Variants in TTC7B observed in about 807,000 individuals in gnomAD.
The protein encoded by TTC7B is tetratricopeptide repeat domain 7B.
TTC7B carries 28 observed loss-of-function variants against 106.8 expected under a neutral mutation model. The ratio of observed to expected loss-of-function variants is 0.26; its 90% CI spans 0.19 to 0.36. TTC7B has a LOEUF of 0.36. Ranked by LOEUF, TTC7B falls within the 10% of genes least tolerant of loss-of-function variation. The pLI is 1.00. For missense variants in TTC7B, 862 were observed against 1,076.4 expected, an observed-to-expected ratio of 0.80 and a Z score of 2.79; for synonymous variants, 405 against 430.6, an observed-to-expected ratio of 0.94 and a Z score of 0.74.
chr14:90,546,418 A>G (rs946033917), intron 19 of TTC7B, among the ~76,000 whole-genome samples: 1 of 152,202 alleles, frequency 6.6e-6, no homozygotes, highest in Non-Finnish European at 1.5e-5. Context: ...AGCTGTTGTC[A>G]GCACCAGCTG....
At chr14:90,795,417 A>G (rs1891742450) in intron 1 of TTC7B, among the ~76,000 whole-genome samples, 1 of 152,198 alleles carries the variant, frequency 6.6e-6, no homozygotes, top group Non-Finnish European at 1.5e-5. Context: ...TGCACTCACC[A>G]GGCAGAGTGT....
chr14:90,536,112 C>T lies in TTC7B; in HGVS notation c.*5256G>A, dbSNP rs1889413607. 6.5e-6 allele frequency: 1 copy of T among 154,284 alleles called. No individual in the cohort carries two copies. Among genetic ancestry groups the T allele is most frequent in the African/African-American group, 2.4e-5 (1 of 41,454 alleles). The allele number at this position is 154,284 out of a possible 1,614,324, so 9.6% of individuals were successfully genotyped here. On this transcript the variant is annotated 3_prime_UTR_variant, in exon 20 of 20. Transcript: ENST00000328459. ...AGGTCACTGCCAACCTGCACACCAC[C>T]AGGCCCACGGTCAGCTCTCAGGCCA...
At chr14:90,763,349 A>G (rs1407264104) in intron 3 of TTC7B, among the ~76,000 whole-genome samples, 1 of 152,234 alleles carries the variant, frequency 6.6e-6, no homozygotes, top group Non-Finnish European at 1.5e-5. Flanking sequence ...AACACTCAAC[A>G]AACTAGAAAT....
intron 3 of TTC7B, among the ~76,000 whole-genome samples, chr14:90,764,289 C>T (rs573617702): frequency 1.4e-4 from 22 of 152,108 alleles, no homozygotes; most frequent in African/African-American, 5.1e-4. Context: ...GCTGACCTCA[C>T]AAAAATATAC....
rs1019479733 is a variant in TTC7B, at chr14:90,526,822, C to G, written c.*14546G>C. The G allele has an allele frequency of 6.6e-6, 1 of 152,172 alleles. No individual in the cohort carries two copies. The highest frequency in any genetic ancestry group is 2.4e-5 in the African/African-American group (1 of 41,422). 9.4% of individuals were successfully genotyped at this position (152,172 alleles called of 1,614,324 possible). On this transcript the variant is annotated 3_prime_UTR_variant, in exon 20 of 20. Coordinates refer to ENST00000328459, the MANE Select transcript of TTC7B (RefSeq NM_001010854.2). ...TGATTGTAAGTTTCCTGAGGCCTCTCCAGCCATGCTGAACTGTGAGTCAAT... is the reference window on the plus strand; with the variant it reads ...TGATTGTAAGTTTCCTGAGGCCTCTGCAGCCATGCTGAACTGTGAGTCAAT...
intron 7 of TTC7B, among the ~76,000 whole-genome samples, chr14:90,685,106 A>G (rs1460247420): frequency 2.6e-5 from 4 of 152,034 alleles, no homozygotes; most frequent in African/African-American, 9.7e-5. Context: ...CCTGGCAGGG[A>G]TTGTTTTTCA....
At position 90,780,907 on chromosome 14, in the gene TTC7B, C is replaced by A; in HGVS notation, c.277-1G>T. The A allele has an allele frequency of 6.2e-7, 1 of 1,613,954 alleles. No individual in the cohort carries two copies. The highest frequency in any genetic ancestry group is 8.5e-7 in the Non-Finnish European group (1 of 1,179,862). ...GATTGGATTCTTGTAGGAATTCTGA[C>A]TAGAAGCAAAAGGAGAGAAAGAAAA... On this transcript the variant is annotated splice_acceptor_variant, in intron 2 of 19. Coordinates refer to ENST00000328459, the MANE Select transcript of TTC7B (RefSeq NM_001010854.2). LOFTEE classifies it high-confidence loss of function.
intron 5 of TTC7B, 54 bp downstream of exon 5, chr14:90,730,021 G>T: frequency 6.4e-7 from 1 of 1,557,922 alleles, no homozygotes; most frequent in East Asian, 2.3e-5. Flanking sequence ...GCATTGTAAG[G>T]CTTTCTACTT....
In TTC7B at chr14:90,526,077, A is replaced by G. The variant is rs951279722; in HGVS notation, c.*15291T>C. ...AAGAGAGGAATTCCTGGATAATTCT[A>G]TGTCTAACTTTTTAAGAAACTGCCA... On this transcript the variant is annotated 3_prime_UTR_variant, in exon 20 of 20. Transcript: ENST00000328459. 1.4e-4 allele frequency: 21 copies of G among 152,086 alleles called. No individual in the cohort carries two copies. The highest frequency in any genetic ancestry group is 4.8e-4 in the African/African-American group (20 of 41,404). 9.4% of individuals were successfully genotyped at this position (152,086 alleles called of 1,614,324 possible).
chr14:90,544,187 A>G (rs1302098402), intron 19 of TTC7B, among the ~76,000 whole-genome samples: 1 of 152,238 alleles, frequency 6.6e-6, no homozygotes, highest in East Asian at 1.9e-4. Context: ...TGCCTCAGGT[A>G]GAGATGGCTG....
rs187331159 is a variant in TTC7B, at chr14:90,771,908, T to C, written c.445+8830A>G. The stretch of plus-strand genomic sequence containing the variant: ...GTATATACATATATATGTATATATT[T>C]CTTTATTTTATATATAAATATATAT... On this transcript the variant is annotated intron_variant, in intron 3 of 19. Coordinates refer to ENST00000328459, the MANE Select transcript of TTC7B (RefSeq NM_001010854.2). 3.4e-5 allele frequency among the ~76,000 whole-genome samples: 5 copies of C among 146,672 alleles called. No individual in the cohort carries two copies. In the East Asian group the frequency reaches 9.8e-4, roughly 29 times the overall value.
At chr14:90,761,834 A>G (rs1241704625) in intron 3 of TTC7B, among the ~76,000 whole-genome samples, 1 of 152,110 alleles carries the variant, frequency 6.6e-6, no homozygotes, top group Non-Finnish European at 1.5e-5. Flanking sequence ...TCTCTTTCAA[A>G]TGACTCTGGA....
At chr14:90,660,414 A>G (rs1228456388) in intron 9 of TTC7B, among the ~76,000 whole-genome samples, 1 of 150,106 alleles carries the variant, frequency 6.7e-6, no homozygotes, top group Non-Finnish European at 1.5e-5. Context: ...AAAAAAAAAA[A>G]AAAAAAAGAA....
At chr14:90,800,427 C>A (rs1028895165) in intron 1 of TTC7B, among the ~76,000 whole-genome samples, 2 of 152,138 alleles carry the variant, frequency 1.3e-5, no homozygotes, top group Non-Finnish European at 2.9e-5. Context: ...GCAAAAGGAA[C>A]TTTGCAGATG....
chr14:90,574,925 T>A (rs1484286156), intron 19 of TTC7B, among the ~76,000 whole-genome samples: 1 of 152,226 alleles, frequency 6.6e-6, no homozygotes, highest in Non-Finnish European at 1.5e-5. Flanking sequence ...CCTCCGTAGT[T>A]GGCTCTTTGA....
chr14:90,571,430 G>A (rs1471884003), intron 19 of TTC7B, among the ~76,000 whole-genome samples: 1 of 152,192 alleles, frequency 6.6e-6, no homozygotes, highest in African/African-American at 2.4e-5. Context: ...GAGGGCCTGT[G>A]CACTTTTCAG....
At chr14:90,804,401 A>T (rs1174668180) in intron 1 of TTC7B, among the ~76,000 whole-genome samples, 1 of 152,014 alleles carries the variant, frequency 6.6e-6, no homozygotes, top group Non-Finnish European at 1.5e-5. Flanking sequence ...GTGGGTGGAC[A>T]AGTGGCACTG....
chr14:90,598,357 A>C (rs888443523), intron 17 of TTC7B, among the ~76,000 whole-genome samples: 2 of 152,186 alleles, frequency 1.3e-5, no homozygotes, highest in Admixed American at 1.3e-4. Flanking sequence ...CTAGATCCTC[A>C]ATCGAAAATG....
intron 1 of TTC7B, among the ~76,000 whole-genome samples, chr14:90,815,944 A>C (rs1595061705): frequency 6.7e-6 from 1 of 148,880 alleles, no homozygotes. Context: ...GCACGCTTGA[A>C]CCCCAGGCGC....
Sources: gnomAD v4.1 joint callset for allele counts (sites outside exome capture counted in the v4.1 genomes callset) on GRCh38, gnomAD v4.1.1 for gene constraint, MANE v1.5 for transcripts, NCBI Gene and HGNC (gene_info 2026-07-23, HGNC 2026-07-21) for gene names.